CCSER1: variants seen among roughly 807,000 people sequenced by gnomAD.
CCSER1 encodes the protein serine-rich coiled-coil domain-containing protein 1.
In CCSER1, 41 loss-of-function variants were observed where a neutral mutation model predicts 82.0. The observed-to-expected ratio is 0.50, with a 90% CI of 0.39 to 0.65. The LOEUF is 0.65. Among genes scored for constraint, CCSER1 ranks in the 30% least tolerant of loss-of-function variants. CCSER1 has a pLI of 0.00. For missense variants in CCSER1, 1,119 were observed against 1,064.2 expected, an observed-to-expected ratio of 1.05 and a Z score of -0.72; for synonymous variants, 414 against 383.9, an observed-to-expected ratio of 1.08 and a Z score of -0.92.
At chr4:90,269,802 A>G (rs1725918923) in intron 1 of CCSER1, among the ~76,000 whole-genome samples, 1 of 152,062 alleles carries the variant, frequency 6.6e-6, no homozygotes, top group South Asian at 2.1e-4. Flanking sequence ...AGAAAACAGA[A>G]GAGGAAATCC....
intron 8 of CCSER1, among the ~76,000 whole-genome samples, chr4:90,874,013 T>C (rs534468674): frequency 3.3e-5 from 5 of 152,292 alleles, no homozygotes; most frequent in South Asian, 4.1e-4. Flanking sequence ...TTCCCTACTC[T>C]ATTTCGAGGT....
intron 9 of CCSER1, among the ~76,000 whole-genome samples, chr4:91,005,106 C>T (rs928948761): frequency 6.6e-6 from 1 of 152,122 alleles, no homozygotes; most frequent in East Asian, 1.9e-4. Flanking sequence ...TCTGGCATCA[C>T]CCTAGGAAAT....
At chr4:91,236,445 T>C (rs955276400) in intron 10 of CCSER1, among the ~76,000 whole-genome samples, 4 of 152,036 alleles carry the variant, frequency 2.6e-5, no homozygotes, top group African/African-American at 9.7e-5. Context: ...ATCACACCAC[T>C]GCACTCCAGC....
At chr4:90,709,818 T>C (rs1740158532) in intron 6 of CCSER1, among the ~76,000 whole-genome samples, 1 of 152,194 alleles carries the variant, frequency 6.6e-6, no homozygotes, top group Admixed American at 6.6e-5. Context: ...GATTGCTGGT[T>C]CAAATTATAT....
At chr4:91,184,240 A>G (rs1260227738) in intron 10 of CCSER1, among the ~76,000 whole-genome samples, 1 of 152,246 alleles carries the variant, frequency 6.6e-6, no homozygotes, top group African/African-American at 2.4e-5. Context: ...CGACTGGCAA[A>G]TTGTGGGACT....
At chr4:90,578,238 T>C (rs767500262) in intron 5 of CCSER1, among the ~76,000 whole-genome samples, 61 of 152,312 alleles carry the variant, frequency 4.0e-4, no homozygotes, top group Non-Finnish European at 7.6e-4. Flanking sequence ...CAAATTTATT[T>C]TCTTTTTCTT....
intron 7 of CCSER1, among the ~76,000 whole-genome samples, chr4:90,782,357 C>T (rs544134282): frequency 4.2e-4 from 64 of 152,108 alleles, no homozygotes; most frequent in Non-Finnish European, 5.9e-5. Flanking sequence ...TATTGAACTC[C>T]TTCTCTGTGA....
chr4:91,525,593 G>A (rs938147231), intron 10 of CCSER1, among the ~76,000 whole-genome samples: 1 of 152,006 alleles, frequency 6.6e-6, no homozygotes, highest in Non-Finnish European at 1.5e-5. Context: ...TTCCTCTCAC[G>A]CTTTAAGCTA....
At chr4:91,493,042 A>T (rs1425139385) in intron 10 of CCSER1, among the ~76,000 whole-genome samples, 2 of 152,020 alleles carry the variant, frequency 1.3e-5, no homozygotes, top group African/African-American at 4.8e-5. Context: ...CTCTGAAAGC[A>T]ATATGAAATA....
intron 8 of CCSER1, among the ~76,000 whole-genome samples, chr4:90,915,413 C>G (rs936323806): frequency 2.0e-5 from 3 of 152,136 alleles, no homozygotes; most frequent in African/African-American, 7.2e-5. Context: ...AAGACAAAAA[C>G]CACATGATTA....
chr4:91,201,079 A>C (rs1365054095), intron 10 of CCSER1, among the ~76,000 whole-genome samples: 1 of 152,058 alleles, frequency 6.6e-6, no homozygotes, highest in Non-Finnish European at 1.5e-5. Context: ...TACCAGTCTC[A>C]TGGAATCTTT....
chr4:90,751,596 G>A (rs1412310339), intron 7 of CCSER1, among the ~76,000 whole-genome samples: 1 of 152,038 alleles, frequency 6.6e-6, no homozygotes, highest in African/African-American at 2.4e-5. Context: ...ATGTTAAATA[G>A]TTGTTAAAGC....
Position 91,068,897 on chromosome 4 carries a change from T to G in CCSER1, c.2173-17053T>G, listed in dbSNP as rs189683338. ...ATGGAGACATTTTTAAAATTTTGAT[T>G]TTTGGCCAGGCATGGTGGCTCATGC... On this transcript the variant is annotated intron_variant, in intron 9 of 10. Coordinates refer to ENST00000509176, the MANE Select transcript of CCSER1 (RefSeq NM_001145065.2). Among the ~76,000 whole-genome samples, 147 of 152,264 alleles carry G rather than the reference T, an allele frequency of 9.7e-4. 1 individual carries two copies. The highest frequency in any genetic ancestry group is 3.0e-3 in the African/African-American group (124 of 41,558).
chr4:90,653,484 A>G (rs1204750270), intron 6 of CCSER1, among the ~76,000 whole-genome samples: 1 of 152,144 alleles, frequency 6.6e-6, no homozygotes, highest in Non-Finnish European at 1.5e-5. Flanking sequence ...AACCAATGAG[A>G]TAAATTAATT....
intron 10 of CCSER1, among the ~76,000 whole-genome samples, chr4:91,573,779 T>C (rs1287337706): frequency 6.6e-6 from 1 of 152,146 alleles, no homozygotes; most frequent in Non-Finnish European, 1.5e-5. Context: ...GCCCCTTCCA[T>C]TCCTCTTTGT....
At chr4:91,483,306 G>A (rs961094057) in intron 10 of CCSER1, among the ~76,000 whole-genome samples, 3 of 152,146 alleles carry the variant, frequency 2.0e-5, no homozygotes, top group Non-Finnish European at 2.9e-5. Flanking sequence ...GCAATGTAAT[G>A]GTCTGAGGTC....
intron 1 of CCSER1, among the ~76,000 whole-genome samples, chr4:90,231,873 T>C (rs1246679758): frequency 6.7e-6 from 1 of 149,448 alleles, no homozygotes; most frequent in African/African-American, 2.5e-5. Flanking sequence ...CCATTCACAA[T>C]TGCTTCAAAG....
At chr4:90,141,969 C>T (rs187632006) in intron 1 of CCSER1, among the ~76,000 whole-genome samples, 3 of 152,248 alleles carry the variant, frequency 2.0e-5, no homozygotes, top group Admixed American at 1.3e-4. Flanking sequence ...AATATATGCC[C>T]AGAGAGCCAT....
intron 10 of CCSER1, among the ~76,000 whole-genome samples, chr4:91,454,625 TATA>T (rs1756052846): frequency 6.6e-6 from 1 of 152,084 alleles, no homozygotes; most frequent in South Asian, 2.1e-4. Context: ...TTCAGCCTAT[TATA>T]ATGTCTGAAA....
Sources: allele counts gnomAD v4.1 joint callset (sites outside exome capture counted in the v4.1 genomes callset), GRCh38; gene constraint gnomAD v4.1.1; transcripts MANE v1.5; gene names NCBI Gene and HGNC (gene_info 2026-07-23, HGNC 2026-07-21).